Variants in PLXND1 observed in about 807,000 individuals in gnomAD.
PLXND1 encodes plexin D1.
Under a neutral mutation model 197.7 loss-of-function variants are expected in PLXND1, and 54 were observed. That is an observed-to-expected ratio of 0.27 (90% CI 0.22 to 0.34). The LOEUF is 0.34. Among genes scored for constraint, PLXND1 ranks in the 10% least tolerant of loss-of-function variants. The probability of loss-of-function intolerance (pLI) is 1.00; values close to 1 mark genes in which losing one functional copy is unlikely to be tolerated. For missense variants in PLXND1, 2,127 were observed against 2,699.2 expected (o/e 0.79, Z 4.70); for synonymous variants, 1,180 against 1,161.2 (o/e 1.02, Z -0.33).
At chr3:129,582,647 G>A (rs2085401980) in intron 8 of PLXND1, among the ~76,000 whole-genome samples, 1 of 152,210 alleles carries the variant, frequency 6.6e-6, no homozygotes, top group Non-Finnish European at 1.5e-5. Flanking sequence ...GGCCATCCTG[G>A]CACGGGCTGC....
chr3:129,595,880 C>T (rs1409244605), intron 1 of PLXND1, among the ~76,000 whole-genome samples: 1 of 151,338 alleles, frequency 6.6e-6, no homozygotes, highest in Admixed American at 6.6e-5. Flanking sequence ...TGTGACACTA[C>T]AGCTACTGGG....
At position 129,575,664 on chromosome 3, in the gene PLXND1, GGGGGAACCA is replaced by G; in HGVS notation, c.2436+93_2436+101del. The stretch of plus-strand genomic sequence containing the variant: ...AGATGAAGTTGGGGCTGCTGGGGAT[GGGGGAACCA>G]GAAGGTAGAGAGAGGCAGGGTGGGG... On this transcript the variant is annotated intron_variant, in intron 10 of 35. Coordinates refer to ENST00000324093, the MANE Select transcript of PLXND1 (RefSeq NM_015103.3). 5.7e-6 allele frequency: 7 copies of G among 1,222,524 alleles called. No individual in the cohort carries two copies. The South Asian group carries it at 9.0e-5, about 16-fold the overall frequency. The allele number at this position is 1,222,524 out of a possible 1,614,324, so 75.7% of individuals were successfully genotyped here. A position where few individuals can be genotyped will look rare whatever the true frequency, so the allele number is the denominator to read the frequency against.
At chr3:129,589,309 CT>C in intron 2 of PLXND1, 41 bp downstream of exon 2, 1 of 643,984 alleles carries the variant, frequency 1.6e-6, no homozygotes, top group Non-Finnish European at 2.8e-6. Flanking sequence ...CCAGGGGAGC[CT>C]CCCACCCCCA....
chr3:129,556,910 C>G (rs757592005), intron 34 of PLXND1, 173 bp downstream of exon 34: 25 of 788,402 alleles, frequency 3.2e-5, no homozygotes, highest in Non-Finnish European at 4.6e-5. Flanking sequence ...CCCCGCTCCT[C>G]AAACTCTGGG....
intron 5 of PLXND1, among the ~76,000 whole-genome samples, chr3:129,585,603 C>T (rs1490991086): frequency 2.0e-5 from 3 of 152,200 alleles, no homozygotes; most frequent in South Asian, 2.1e-4. Context: ...GTCTCTAGAA[C>T]CCGCCTCTTG....
intron 13 of PLXND1, 38 bp from the exon 14 acceptor site, chr3:129,572,979 C>T: frequency 1.4e-6 from 2 of 1,462,042 alleles, no homozygotes; most frequent in Non-Finnish European, 9.5e-7. Context: ...CGGTCCTTGG[C>T]CCCCACGGCC....
intron 8 of PLXND1, among the ~76,000 whole-genome samples, chr3:129,583,161 C>T (rs971387149): frequency 6.6e-6 from 1 of 152,310 alleles, no homozygotes; most frequent in East Asian, 1.9e-4. Context: ...CCTCCACAGG[C>T]CTTGAGGACA....
chr3:129,588,089 G>A (rs2085486259), intron 2 of PLXND1, among the ~76,000 whole-genome samples: 1 of 152,250 alleles, frequency 6.6e-6, no homozygotes, highest in African/African-American at 2.4e-5. Context: ...TAAGGCCCGA[G>A]CAGGGCAGGG....
Position 129,561,812 on chromosome 3 carries a change from C to T in PLXND1, c.4917G>A (p.Leu1639=), listed in dbSNP as rs1347125619. ...VEDGRKKLNT[L]AHYKIPEGAS... ...GGCAGGGCTGCACCTTGTAATGGGCCAGCGTGTTAAGCTTCTTGCGGCCGT... is the reference window on the plus strand; with the variant it reads ...GGCAGGGCTGCACCTTGTAATGGGCTAGCGTGTTAAGCTTCTTGCGGCCGT... Residue 1639 remains leucine (L), a synonymous_variant, in exon 28 of 36, where the codon CTG becomes CTA. Coordinates refer to ENST00000324093, the MANE Select transcript of PLXND1 (RefSeq NM_015103.3). 4 of 1,612,666 alleles carry T rather than the reference C, an allele frequency of 2.5e-6. 1 individual carries two copies. The South Asian group carries it at 3.3e-5, about 13-fold the overall frequency.
chr3:129,589,915 C>T (rs894959308), intron 1 of PLXND1, among the ~76,000 whole-genome samples: 1 of 152,196 alleles, frequency 6.6e-6, no homozygotes, highest in South Asian at 2.1e-4. Flanking sequence ...CACCAGATGA[C>T]CGGAGGCCAC....
chr3:129,563,771 C>T (rs1420275914), intron 25 of PLXND1, among the ~76,000 whole-genome samples: 1 of 152,244 alleles, frequency 6.6e-6, no homozygotes, highest in Non-Finnish European at 1.5e-5. Flanking sequence ...CAGGCAGTGG[C>T]TCTGCTGGAC....
Position 129,567,886 on chromosome 3 carries a change from G to A in PLXND1, c.3866-81C>T, listed in dbSNP as rs1208564784. On this transcript the variant is annotated intron_variant, in intron 20 of 35. Transcript: ENST00000324093. The stretch of plus-strand genomic sequence containing the variant: ...TGGCGCCTGCTGTATTCTGGCCTCC[G>A]CTCCAGCTCCTCTGGGCAGGGTGTG... 17 of 677,926 alleles carry A rather than the reference G, an allele frequency of 2.5e-5. No individual in the cohort carries two copies. In the East Asian group the frequency reaches 3.0e-4, roughly 12 times the overall value. The allele number at this position is 677,926 out of a possible 1,614,324, so 42.0% of individuals were successfully genotyped here.
intron 29 of PLXND1, 121 bp from the exon 30 acceptor site, chr3:129,560,844 CAG>C (rs2085047486): frequency 1.4e-6 from 1 of 728,274 alleles, no homozygotes; most frequent in African/African-American, 1.7e-5. Flanking sequence ...GAAACAGAAG[CAG>C]AGACAGAAAG....
intron 1 of PLXND1, among the ~76,000 whole-genome samples, chr3:129,595,921 G>GCGCGCACACACACACACACACACACACA (rs138452605): frequency 6.8e-6 from 1 of 146,410 alleles, no homozygotes; most frequent in South Asian, 2.2e-4. Context: ...GTGCACGCAC[G>GCGCGCACACACACACACACACACACACA]CACACACACA....
intron 1 of PLXND1, among the ~76,000 whole-genome samples, chr3:129,597,721 G>T (rs1055156582): frequency 6.6e-6 from 1 of 152,246 alleles, no homozygotes; most frequent in Non-Finnish European, 1.5e-5. Flanking sequence ...CCCTGCCACT[G>T]GATGCCTGTC....
chr3:129,598,312 G>T (rs1021464161), intron 1 of PLXND1, among the ~76,000 whole-genome samples: 7 of 152,106 alleles, frequency 4.6e-5, no homozygotes, highest in Non-Finnish European at 1.0e-4. Context: ...TGGTTAGTGT[G>T]TGGCATCTGT....
At chr3:129,600,753 C>T (rs1157552801) in intron 1 of PLXND1, among the ~76,000 whole-genome samples, 2 of 151,802 alleles carry the variant, frequency 1.3e-5, no homozygotes, top group Non-Finnish European at 2.9e-5. Context: ...CAGCCCCCAG[C>T]CCAAACCCAA....
intron 8 of PLXND1, among the ~76,000 whole-genome samples, chr3:129,582,053 C>T (rs1377582119): frequency 6.6e-6 from 1 of 152,228 alleles, no homozygotes; most frequent in Non-Finnish European, 1.5e-5. Flanking sequence ...GCTCAGGGCT[C>T]CCGTATGGTT....
At position 129,571,527 on chromosome 3, in the gene PLXND1, G is replaced by C. The variant is rs1259297987; in HGVS notation, c.3318C>G (p.His1106Gln). 1 of 1,613,452 alleles carries C rather than the reference G, an allele frequency of 6.2e-7. No homozygotes were observed. The highest frequency in any genetic ancestry group is 1.1e-5 in the South Asian group (1 of 91,090). Residue 1106 changes from histidine (H) to glutamine (Q), a missense_variant, in exon 17 of 36, where the codon CAC becomes CAG. His to Gln is a conservative substitution (Grantham distance 24, BLOSUM62 0). Around this residue, in one of 6 missense-constraint regions of PLXND1, gnomAD observed 532 missense variants for 811.0 expected, o/e 0.66. Transcript: ENST00000324093. ...GCCTCACCGTGGGCTCCCGGCCAATGTGGTGGACGGCCATGGACACATTCT... is the reference window on the plus strand; with the variant it reads ...GCCTCACCGTGGGCTCCCGGCCAATCTGGTGGACGGCCATGGACACATTCT... ...MVQNVSMAVH[H>Q]IGREPTLCKV...
Sources: gnomAD v4.1 joint callset for allele counts (sites outside exome capture counted in the v4.1 genomes callset) on GRCh38, gnomAD v4.1.1 for gene constraint, gnomAD v4.1.1 regional missense constraint, MANE v1.5 for transcripts, NCBI Gene and HGNC (gene_info 2026-07-23, HGNC 2026-07-21) for gene names.